The following CFAP299 variants were observed in gnomAD, a reference collection of about 807,000 sequenced individuals.
The protein encoded by CFAP299 is cilia and flagella associated protein 299.
A neutral mutation model predicts 27.0 loss-of-function variants in CFAP299; 21 were observed. That is an observed-to-expected ratio of 0.78 (90% CI 0.55 to 1.12). The LOEUF (loss-of-function observed/expected upper bound fraction) is 1.12, where lower values mean the gene tolerates loss of function less well. Ranked by LOEUF, CFAP299 falls within the 50% of genes most tolerant of loss-of-function variation. The probability of loss-of-function intolerance (pLI) is 0.00; values close to 1 mark genes in which losing one functional copy is unlikely to be tolerated. For missense variants in CFAP299, 310 were observed against 276.6 expected (o/e 1.12, Z -0.86); for synonymous variants, 104 against 98.1 (o/e 1.06, Z -0.36).
chr4:80,715,919 G>A (rs191266655), intron 3 of CFAP299, among the ~76,000 whole-genome samples: 55 of 152,020 alleles, frequency 3.6e-4, no homozygotes, highest in African/African-American at 1.3e-3. Context: ...TCTTGAATTC[G>A]CCTTCATTTT....
chr4:80,820,650 G>A (rs1457934751), intron 3 of CFAP299, among the ~76,000 whole-genome samples: 1 of 152,120 alleles, frequency 6.6e-6, no homozygotes, highest in African/African-American at 2.4e-5. Flanking sequence ...GGTCTGACTC[G>A]TGTTTTAAAA....
chr4:80,670,575 C>A (rs1741418646), intron 3 of CFAP299, among the ~76,000 whole-genome samples: 1 of 152,322 alleles, frequency 6.6e-6, no homozygotes, highest in South Asian at 2.1e-4. Flanking sequence ...CTGTCTTCCA[C>A]AATGGTTGAA....
At chr4:80,345,214 A>G (rs1050459976) in intron 1 of CFAP299, among the ~76,000 whole-genome samples, 6 of 152,200 alleles carry the variant, frequency 3.9e-5, no homozygotes, top group Admixed American at 3.9e-4. Context: ...TTGTTTGCAG[A>G]TGACATGATC....
In CFAP299 at chr4:80,835,612, A is replaced by G. The variant is rs138054251; in HGVS notation, c.334-34381A>G. Among the ~76,000 whole-genome samples the G allele has an allele frequency of 4.1e-3, 627 of 152,278 alleles. 7 individuals carry two copies. The highest frequency in any genetic ancestry group is 0.04 in the South Asian group (194 of 4,826). ...CTCTTATGTTGTAAAGTTTTTGTAC[A>G]TATAATTATACAAAGAATCTGGAAA... On this transcript the variant is annotated intron_variant, in intron 3 of 5. Transcript: ENST00000358105.
chr4:80,852,767 G>A (rs150443429), intron 3 of CFAP299, among the ~76,000 whole-genome samples: 17 of 152,194 alleles, frequency 1.1e-4, no homozygotes, highest in Admixed American at 5.9e-4. Flanking sequence ...AAATGCTCTT[G>A]ATGACATCAC....
chr4:80,423,408 A>T (rs2110071817), intron 2 of CFAP299, among the ~76,000 whole-genome samples: 1 of 152,324 alleles, frequency 6.6e-6, no homozygotes, highest in Middle Eastern at 3.4e-3. Flanking sequence ...AGCAAGCAAA[A>T]ATATAAGATG....
chr4:80,661,662 A>C (rs1740855425), intron 3 of CFAP299, among the ~76,000 whole-genome samples: 2 of 152,138 alleles, frequency 1.3e-5, no homozygotes, highest in African/African-American at 4.8e-5. Context: ...CAAATTGTTT[A>C]AACGATATGA....
chr4:80,361,595 G>A (rs142103335), intron 1 of CFAP299, among the ~76,000 whole-genome samples: 2 of 152,318 alleles, frequency 1.3e-5, no homozygotes, highest in Non-Finnish European at 2.9e-5. Context: ...TCAGAAACAA[G>A]AATAATAGCC....
intron 3 of CFAP299, among the ~76,000 whole-genome samples, chr4:80,601,686 TCA>T (rs1346832073): frequency 6.6e-6 from 1 of 152,142 alleles, no homozygotes; most frequent in African/African-American, 2.4e-5. Flanking sequence ...CCACGCCACC[TCA>T]CACTCATGGC....
chr4:80,760,733 TAAG>T lies in CFAP299; in HGVS notation c.334-109257_334-109255del, dbSNP rs1725502537. ...TCAAATTTTTTCAAGAACACAAATA[TAAG>T]AAACATGTAAAGTAAAATTTACAGA... On this transcript the variant is annotated intron_variant, in intron 3 of 5. Transcript: ENST00000358105. 2.0e-5 allele frequency among the ~76,000 whole-genome samples: 3 copies of T among 152,042 alleles called. No individual in the cohort carries two copies. The South Asian group carries it at 6.2e-4, about 31-fold the overall frequency.
At chr4:80,329,208 C>CATGTATAT in the CFAP299 span, among the ~76,000 whole-genome samples, 7 of 136,040 alleles carry the variant, frequency 5.1e-5, no homozygotes, top group Non-Finnish European at 9.2e-5. Context: ...ACACTGTATA[C>CATGTATAT]ATATATATAT....
intron 3 of CFAP299, among the ~76,000 whole-genome samples, chr4:80,861,577 T>G (rs564752610): frequency 1.3e-5 from 2 of 152,302 alleles, no homozygotes; most frequent in South Asian, 4.1e-4. Flanking sequence ...ATCTTATTCT[T>G]AACCACTTGT....
intron 2 of CFAP299, among the ~76,000 whole-genome samples, chr4:80,414,756 A>G (rs935292281): frequency 6.6e-6 from 1 of 152,222 alleles, no homozygotes; most frequent in Non-Finnish European, 1.5e-5. Context: ...TACTTCTATT[A>G]CTAACCCCCT....
intron 3 of CFAP299, among the ~76,000 whole-genome samples, chr4:80,656,228 A>T (rs1560680635): frequency 6.6e-6 from 1 of 152,074 alleles, no homozygotes; most frequent in Non-Finnish European, 1.5e-5. Context: ...ATATGTTTTT[A>T]AAAAATTATT....
intron 1 of CFAP299, among the ~76,000 whole-genome samples, chr4:80,359,907 T>C (rs2109995178): frequency 6.6e-6 from 1 of 152,368 alleles, no homozygotes; most frequent in South Asian, 2.1e-4. Context: ...TCTGGCTTTT[T>C]AAGTTTTCAT....
chr4:80,686,220 C>T lies in CFAP299; in HGVS notation c.333+103037C>T, dbSNP rs372978962. ...AGTGAAATAAACATTGCATAACCTT[C>T]TACTCATGAGTGGCAATTGCTCATG... is the stretch of plus-strand genomic sequence containing the variant. On this transcript the variant is annotated intron_variant, in intron 3 of 5. Transcript: ENST00000358105. Among the ~76,000 whole-genome samples the T allele has an allele frequency of 5.9e-5, 9 of 152,274 alleles. No individual in the cohort carries two copies. In the East Asian group the frequency reaches 1.7e-3, roughly 29 times the overall value.
At chr4:80,896,804 T>A (rs1734630983) in intron 4 of CFAP299, among the ~76,000 whole-genome samples, 1 of 152,136 alleles carries the variant, frequency 6.6e-6, no homozygotes, top group Non-Finnish European at 1.5e-5. Flanking sequence ...GCTCAAAATA[T>A]TATCTGTTAT....
chr4:80,950,967 G>A (rs1309690651), intron 5 of CFAP299, among the ~76,000 whole-genome samples: 1 of 152,108 alleles, frequency 6.6e-6, no homozygotes, highest in Non-Finnish European at 1.5e-5. Context: ...AGTACTATTT[G>A]TGTCACAATG....
chr4:80,433,464 C>T (rs769099420), intron 2 of CFAP299, among the ~76,000 whole-genome samples: 18 of 152,052 alleles, frequency 1.2e-4, no homozygotes, highest in Non-Finnish European at 1.0e-4. Flanking sequence ...ACGAACACTT[C>T]GAGTTCTGCT....
Sources: gnomAD v4.1 joint callset for allele counts (sites outside exome capture counted in the v4.1 genomes callset) on GRCh38, gnomAD v4.1.1 for gene constraint, MANE v1.5 for transcripts, NCBI Gene and HGNC (gene_info 2026-07-23, HGNC 2026-07-21) for gene names.